The following PCDHA4 variants were observed in gnomAD, a reference collection of about 807,000 sequenced individuals.
PCDHA4 encodes the protein protocadherin alpha 4.
PCDHA4 carries 49 observed loss-of-function variants against 61.4 expected under a neutral mutation model. The observed-to-expected ratio is 0.80, with a 90% CI of 0.63 to 1.01. The LOEUF (loss-of-function observed/expected upper bound fraction) is 1.01. Ranked by LOEUF, PCDHA4 falls within the 50% of genes least tolerant of loss-of-function variation. PCDHA4 has a pLI of 0.00. For synonymous variants in PCDHA4, 590 were observed against 550.3 expected (o/e 1.07, Z -1.01); for missense variants, 1,254 against 1,235.8 (o/e 1.01, Z -0.22).
intron 1 of PCDHA4, chr5:140,857,129 G>A: frequency 6.3e-7 from 1 of 1,598,280 alleles, no homozygotes; most frequent in Non-Finnish European, 8.6e-7. Context: ...AGTGAAAGAA[G>A]ATGCTCAAGT....
chr5:140,900,420 GGC>G lies in PCDHA4; in HGVS notation c.2386-78528_2386-78527del, dbSNP rs1554189140. ...AGCCTCCCAAGTAGCTGGGATTATA[GGC>G]ACGTGCCACCACGGCCGGCTAATTT... On this transcript the variant is annotated intron_variant, in intron 1 of 3. Transcript: ENST00000530339. Among the ~76,000 whole-genome samples the G allele has an allele frequency of 7.9e-5, 12 of 152,256 alleles. No individual in the cohort carries two copies. The East Asian group carries it at 2.3e-3, about 30-fold the overall frequency.
intron 1 of PCDHA4, among the ~76,000 whole-genome samples, chr5:140,890,896 T>A (rs2062845405): frequency 6.6e-6 from 1 of 152,182 alleles, no homozygotes; most frequent in African/African-American, 2.4e-5. Context: ...ATTATTGTCT[T>A]TCCATGTTAG....
intron 1 of PCDHA4, chr5:140,843,553 G>C (rs1275122592): frequency 1.3e-6 from 2 of 1,595,812 alleles, no homozygotes; most frequent in Non-Finnish European, 1.7e-6. Flanking sequence ...GCTCCAGTGC[G>C]GTGGGGAGCT....
chr5:140,828,549 C>T (rs1769814403), intron 1 of PCDHA4: 4 of 1,614,090 alleles, frequency 2.5e-6, no homozygotes, highest in Non-Finnish European at 2.5e-6. Flanking sequence ...TCTGTGTTTC[C>T]ACTGGAGGGC....
intron 1 of PCDHA4, chr5:140,882,953 C>T: frequency 3.7e-6 from 6 of 1,614,184 alleles, no homozygotes; most frequent in East Asian, 2.2e-5. Flanking sequence ...AGTTCAGCTG[C>T]TCATCACGAT....
chr5:140,932,406 T>C (rs1235222855), intron 1 of PCDHA4, among the ~76,000 whole-genome samples: 1 of 151,924 alleles, frequency 6.6e-6, no homozygotes, highest in East Asian at 1.9e-4. Flanking sequence ...CATACCAATG[T>C]TATATTAGTG....
chr5:140,822,454 T>C (rs1283772552), intron 1 of PCDHA4: 3 of 1,613,664 alleles, frequency 1.9e-6, no homozygotes, highest in East Asian at 4.5e-5. Context: ...TACAGTTCAG[T>C]TGTTGATCAA....
chr5:140,982,373 T>C, intron 2 of PCDHA4, 102 bp from the exon 3 acceptor site: 1 of 1,559,640 alleles, frequency 6.4e-7, no homozygotes, highest in Non-Finnish European at 8.7e-7. Context: ...ATGTGTTAGC[T>C]GCAGCCCTGG....
intron 1 of PCDHA4, among the ~76,000 whole-genome samples, chr5:140,903,617 G>T (rs1488747657): frequency 1.3e-5 from 2 of 152,140 alleles, no homozygotes; most frequent in Non-Finnish European, 2.9e-5. Context: ...ACATGAATGT[G>T]CATGCATATG....
Position 140,856,403 on chromosome 5 carries a change from G to A in PCDHA4, c.2385+46831G>A, listed in dbSNP as rs782447462. On this transcript the variant is annotated intron_variant, in intron 1 of 3. Coordinates refer to ENST00000530339, the MANE Select transcript of PCDHA4 (RefSeq NM_018907.4). ...CAGGCCGCTGCAGGTTTTCCATGTG[G>A]ACGTGGAAGTGAAGGACATTAACGA... 5.8e-5 allele frequency: 92 copies of A among 1,598,448 alleles called. 11 individuals are homozygous for A. The highest frequency in any genetic ancestry group is 7.7e-5 in the Non-Finnish European group (90 of 1,168,002).
intron 1 of PCDHA4, among the ~76,000 whole-genome samples, chr5:140,949,674 C>G (rs2153687219): frequency 6.6e-6 from 1 of 151,738 alleles, no homozygotes; most frequent in South Asian, 2.1e-4. Context: ...AAAGTATGCC[C>G]TTGTTGAAGC....
chr5:140,879,469 G>A (rs1438617682), intron 1 of PCDHA4, among the ~76,000 whole-genome samples: 2 of 152,166 alleles, frequency 1.3e-5, no homozygotes, highest in Non-Finnish European at 2.9e-5. Context: ...AGAGAATACC[G>A]TTGTGATTGG....
intron 1 of PCDHA4, among the ~76,000 whole-genome samples, chr5:140,924,916 T>A (rs551375956): frequency 7.0e-4 from 85 of 122,004 alleles, no homozygotes; most frequent in East Asian, 2.6e-3. Context: ...TAAAATAAAA[T>A]AAAATAAAAT....
intron 1 of PCDHA4, chr5:140,811,526 T>G (rs1357624098): frequency 6.6e-6 from 1 of 152,152 alleles, no homozygotes; most frequent in South Asian, 2.1e-4. Context: ...ATATACCCAG[T>G]AATGGGTCAA....
chr5:140,877,014 C>A lies in PCDHA4; in HGVS notation c.2385+67442C>A, dbSNP rs559122507. On this transcript the variant is annotated intron_variant, in intron 1 of 3. Coordinates refer to ENST00000530339, the MANE Select transcript of PCDHA4 (RefSeq NM_018907.4). ...GCTACGTGTCGGTGCACGCGGAGAG[C>A]GGCAAGGTGTACGCGCTGCAGCCGC... is the stretch of plus-strand genomic sequence containing the variant. 5 of 1,612,440 alleles carry A rather than the reference C, an allele frequency of 3.1e-6. No homozygotes were observed. In the African/African-American group the frequency reaches 4.0e-5, roughly 13 times the overall value.
Position 140,808,230 on chromosome 5 carries a change from CA to C in PCDHA4, c.1044del (p.Asp349IlefsTer23). The C allele has an allele frequency of 1.2e-6, 2 of 1,614,206 alleles. No homozygotes were observed. Among genetic ancestry groups the C allele is most frequent in the Non-Finnish European group, 1.7e-6 (2 of 1,180,016 alleles). On this transcript the variant is annotated frameshift_variant, in exon 1 of 4. Transcript: ENST00000530339. LOFTEE classifies it high-confidence loss of function. ...VEVEDNNDNVPDLEFKSLSLP... is the reference protein window; with the variant it reads ...VEVEDNNDNVXDLEFKSLSLP... ...GTAGAAGACAACAACGATAATGTCC[CA>C]GATTTGGAATTCAAGTCTTTATCAC... is the stretch of plus-strand genomic sequence containing the variant.
At chr5:140,991,984 C>T (rs1393451773) in intron 3 of PCDHA4, among the ~76,000 whole-genome samples, 1 of 151,632 alleles carries the variant, frequency 6.6e-6, no homozygotes, top group Non-Finnish European at 1.5e-5. Context: ...TTCTGCCTAC[C>T]ACCCGGTCTT....
intron 1 of PCDHA4, chr5:140,828,401 A>C: frequency 2.5e-6 from 4 of 1,614,288 alleles, no homozygotes; most frequent in Non-Finnish European, 3.4e-6. Context: ...GGAGTGCAGC[A>C]TCCACCTGGA....
chr5:140,929,302 G>T, intron 1 of PCDHA4: 1 of 1,587,714 alleles, frequency 6.3e-7, no homozygotes, highest in Admixed American at 1.7e-5. Flanking sequence ...TAGGAAAGGG[G>T]ATCACGCTAA....
Sources: gnomAD v4.1 joint callset for allele counts (sites outside exome capture counted in the v4.1 genomes callset) on GRCh38, gnomAD v4.1.1 for gene constraint, MANE v1.5 for transcripts, NCBI Gene and HGNC (gene_info 2026-07-23, HGNC 2026-07-21) for gene names.